The following MCFD2 variants were observed in gnomAD, a reference collection of about 807,000 sequenced individuals.
MCFD2 encodes multiple coagulation factor deficiency 2, ER cargo receptor complex subunit, also known as multiple coagulation factor deficiency protein 2.
Under a neutral mutation model 12.8 loss-of-function variants are expected in MCFD2, and 11 were observed. The observed-to-expected ratio is 0.86, with a 90% CI of 0.54 to 1.42. MCFD2 has a LOEUF of 1.42. MCFD2 is among the 40% of genes most tolerant of loss of function. The probability of loss-of-function intolerance (pLI) is 0.00; values close to 1 mark genes in which losing one functional copy is unlikely to be tolerated. For synonymous variants in MCFD2, 70 were observed against 68.1 expected, an observed-to-expected ratio of 1.03 and a Z score of -0.14; for missense variants, 191 against 178.6, an observed-to-expected ratio of 1.07 and a Z score of -0.40.
At position 46,907,199 on chromosome 2, in the gene MCFD2, C is replaced by T. The variant is rs145654384; in HGVS notation, c.309+611G>A. 3,794 of 159,732 alleles carry T rather than the reference C, an allele frequency of 0.024. 60 individuals are homozygous for T. Among genetic ancestry groups the T allele is most frequent in the South Asian group, 0.059 (326 of 5,510 alleles). 9.9% of individuals were successfully genotyped at this position (159,732 alleles called of 1,614,324 possible). A position where few individuals can be genotyped will look rare whatever the true frequency, so the allele number is the denominator to read the frequency against. ...TCTCCCTTGCTCTGCAGTTTGAATA[C>T]GGTCTGTCTTTTAGGCACTGATTCT... is the stretch of plus-strand genomic sequence containing the variant. On this transcript the variant is annotated intron_variant, in intron 3 of 3. Transcript: ENST00000319466. This position sits in a 1 kb window ranked among gnomAD's most constrained non-coding sequence, Gnocchi z 4.1.
intron 1 of MCFD2, among the ~76,000 whole-genome samples, chr2:46,921,913 C>T (rs540418758): frequency 1.7e-4 from 26 of 152,310 alleles, no homozygotes; most frequent in African/African-American, 6.0e-4. Context: ...AATGCTCACT[C>T]GCCCACCCAG....
At chr2:46,909,244 CATGGTATGATCCTGGGAAACCTGA>C in intron 1 of MCFD2, 67 bp from the exon 2 acceptor site, 4 of 1,535,458 alleles carry the variant, frequency 2.6e-6, no homozygotes, top group Non-Finnish European at 2.7e-6. Context: ...CAGGGCTTGA[CATGGTATGATCCTGGGAAACCTGA>C]TGAAGCAGTA....
At position 46,934,634 on chromosome 2, in the gene MCFD2, C is replaced by T. The variant is rs200573058; in HGVS notation, c.-8+6938G>A. Among the ~76,000 whole-genome samples, 9 of 151,904 alleles carry T rather than the reference C, an allele frequency of 5.9e-5. No individual in the cohort carries two copies. The East Asian group carries it at 1.5e-3, about 26-fold the overall frequency. Reference sequence around the variant, plus strand: ...TATTCTCTAAAACACTTTAAAAACCCTCCCCTCATAGGTTGCAGTAAGCCT... The same window carrying T: ...TATTCTCTAAAACACTTTAAAAACCTTCCCCTCATAGGTTGCAGTAAGCCT... On this transcript the variant is annotated intron_variant, in intron 1 of 2. Transcript: ENST00000409147.
chr2:46,903,946 G>A lies in MCFD2; in HGVS notation c.*1517C>T, dbSNP rs1018820179. Reference sequence around the variant, plus strand: ...AACACCATGGGGAAAATGTCTCCAGGCCATGTCAGGGCAGCCCCTGACATG... The same window carrying A: ...AACACCATGGGGAAAATGTCTCCAGACCATGTCAGGGCAGCCCCTGACATG... On this transcript the variant is annotated 3_prime_UTR_variant, in exon 4 of 4. Coordinates refer to ENST00000319466, the MANE Select transcript of MCFD2 (RefSeq NM_139279.6). 1 of 152,138 alleles carries A rather than the reference G, an allele frequency of 6.6e-6. No homozygotes were observed. The highest frequency in any genetic ancestry group is 1.5e-5 in the Non-Finnish European group (1 of 68,026). 9.4% of individuals were successfully genotyped at this position (152,138 alleles called of 1,614,324 possible).
chr2:46,935,095 A>C (rs1243854150), intron 1 of MCFD2, among the ~76,000 whole-genome samples: 4 of 152,036 alleles, frequency 2.6e-5, no homozygotes, highest in Non-Finnish European at 5.9e-5. Flanking sequence ...CACCACGCCG[A>C]GCCCTAAGAC....
At chr2:46,930,041 T>C (rs903240305) in intron 1 of MCFD2, among the ~76,000 whole-genome samples, 2 of 152,186 alleles carry the variant, frequency 1.3e-5, no homozygotes, top group African/African-American at 2.4e-5. Flanking sequence ...ATAAACTAAG[T>C]TGGTGAAAGC....
rs1668172569 is a variant in MCFD2, at chr2:46,905,309, TTA to T, written c.*152_*153del. 7 of 782,874 alleles carry T rather than the reference TTA, an allele frequency of 8.9e-6. No individual in the cohort carries two copies. The highest frequency in any genetic ancestry group is 7.1e-4 in the Middle Eastern group (2 of 2,816). 48.5% of individuals were successfully genotyped at this position (782,874 alleles called of 1,614,324 possible). ...CCATTTCTCTTCTCTTTCATTTCTC[TTA>T]TCTCTTCTCACCCCAGTGTAACGAA... On this transcript the variant is annotated 3_prime_UTR_variant, in exon 4 of 4. Transcript: ENST00000319466.
In MCFD2 at chr2:46,908,157, A is replaced by G. The variant is rs1258657345; in HGVS notation, c.150-188T>C. 1.1e-5 allele frequency: 7 copies of G among 663,382 alleles called. No individual in the cohort carries two copies. The highest frequency in any genetic ancestry group is 1.9e-5 in the Non-Finnish European group (7 of 370,602). The allele number at this position is 663,382 out of a possible 1,614,324, so 41.1% of individuals were successfully genotyped here. ...CCTTGAGAGGAGCAGGAAAAGTCAA[A>G]TAGACCATCTGTTATGCTGGCAGGA... On this transcript the variant is annotated intron_variant, in intron 2 of 3. Transcript: ENST00000319466. This position sits in a 1 kb window ranked among gnomAD's most constrained non-coding sequence, Gnocchi z 4.5.
intron 1 of MCFD2, among the ~76,000 whole-genome samples, chr2:46,928,945 T>C (rs1417341014): frequency 3.3e-5 from 5 of 152,076 alleles, no homozygotes; most frequent in Non-Finnish European, 7.4e-5. Flanking sequence ...GGTGGATTAC[T>C]TGAGGTGAGG....
rs1668085494 is a variant in MCFD2 at position 46,903,295 on chromosome 2, A to G, written c.*2168T>C. On this transcript the variant is annotated 3_prime_UTR_variant, in exon 4 of 4. Coordinates refer to ENST00000319466, the MANE Select transcript of MCFD2 (RefSeq NM_139279.6). ...GTGGAACTTTAAGTCCAATTAAACC[A>G]CTTTTTCTTCCCAGTCTCGGGTATG... 1 of 155,862 alleles carries G rather than the reference A, an allele frequency of 6.4e-6. No individual in the cohort carries two copies. The highest frequency in any genetic ancestry group is 1.4e-5 in the Non-Finnish European group (1 of 71,072). The allele number at this position is 155,862 out of a possible 1,614,324, so 9.7% of individuals were successfully genotyped here.
chr2:46,910,271 TC>T (rs951326928), intron 1 of MCFD2, among the ~76,000 whole-genome samples: 8 of 152,116 alleles, frequency 5.3e-5, no homozygotes, highest in African/African-American at 2.4e-5. Flanking sequence ...AATTGTTGAT[TC>T]AATGGAAAGT....
Position 46,905,393 on chromosome 2 carries a change from A to C in MCFD2, c.*70T>G. 1 of 1,563,740 alleles carries C rather than the reference A, an allele frequency of 6.4e-7. No individual in the cohort carries two copies. The highest frequency in any genetic ancestry group is 2.2e-5 in the East Asian group (1 of 44,568). ...AGTAGTTGGAAATGAGTTATTTTGC[A>C]TTACTAAAGTGTTCAATCACATTAT... On this transcript the variant is annotated 3_prime_UTR_variant, in exon 4 of 4. Coordinates refer to ENST00000319466, the MANE Select transcript of MCFD2 (RefSeq NM_139279.6).
At chr2:46,920,654 A>G (rs1329082241), upstream of MCFD2, among the ~76,000 whole-genome samples, 2 of 151,848 alleles carry the variant, frequency 1.3e-5, no homozygotes, top group African/African-American at 4.8e-5. Context: ...TTTTTGAAAA[A>G]AAAAAAAAAT....
chr2:46,938,367 T>A (rs1670083704), intron 1 of MCFD2, among the ~76,000 whole-genome samples: 1 of 152,184 alleles, frequency 6.6e-6, no homozygotes, highest in Non-Finnish European at 1.5e-5. Flanking sequence ...AGTAAACTTC[T>A]TGGGTCATAC....
At chr2:46,925,091 T>C (rs190033927) in intron 1 of MCFD2, among the ~76,000 whole-genome samples, 115 of 152,370 alleles carry the variant, frequency 7.5e-4, no homozygotes, top group African/African-American at 2.6e-3. Context: ...ACAGATCTGT[T>C]TGTTGCACTG....
chr2:46,915,728 C>A lies in MCFD2; in HGVS notation c.-12G>T, dbSNP rs1291229504. On this transcript the variant is annotated 5_prime_UTR_variant, in exon 1 of 4. Transcript: ENST00000319466. The stretch of plus-strand genomic sequence containing the variant: ...GAGTGCGCTAGTTCACTCACCCTTA[C>A]GGTCTCCGAAGCAGACGCGAAGCCC... The A allele has an allele frequency of 3.1e-6, 3 of 974,934 alleles. No individual in the cohort carries two copies. Among genetic ancestry groups the A allele is most frequent in the Non-Finnish European group, 3.7e-6 (3 of 820,812 alleles). The allele number at this position is 974,934 out of a possible 1,614,324, so 60.4% of individuals were successfully genotyped here. A position where few individuals can be genotyped will look rare whatever the true frequency, so the allele number is the denominator to read the frequency against.
intron 1 of MCFD2, among the ~76,000 whole-genome samples, chr2:46,935,462 A>G (rs903168414): frequency 6.6e-6 from 1 of 152,176 alleles, no homozygotes; most frequent in Non-Finnish European, 1.5e-5. Context: ...TAACTATTCC[A>G]ACTTTGCCTT....
rs2103883716 is a variant in MCFD2, at chr2:46,941,294, C to T, written c.-8+278G>A. On this transcript the variant is annotated intron_variant, in intron 1 of 2. Coordinates refer to the MCFD2 transcript ENST00000409147. This position sits in a 1 kb window ranked among gnomAD's most constrained non-coding sequence, Gnocchi z 4.2. The stretch of plus-strand genomic sequence containing the variant: ...GCTACAGCAGAGGCGGAGGTTGCTC[C>T]TGTACGCGTACGGGCCGCTCGGCCG... 5.7e-6 allele frequency: 1 copy of T among 176,648 alleles called. No individual in the cohort carries two copies. The highest frequency in any genetic ancestry group is 6.3e-5 in the Admixed American group (1 of 15,778). The allele number at this position is 176,648 out of a possible 1,614,324, so 10.9% of individuals were successfully genotyped here.
At chr2:46,915,806 G>GGGGGGGGGGGGGGGGGGCCCCCCCCCCCC, upstream of MCFD2, 1 of 512,582 alleles carries the variant, frequency 2.0e-6, no homozygotes, top group Non-Finnish European at 2.1e-6. Flanking sequence ...CCTCGGCTTC[G>GGGGGGGGGGGGGGGGGGCCCCCCCCCCCC]CCCCGCCCCC....
Sources: gnomAD v4.1 joint callset for allele counts (sites outside exome capture counted in the v4.1 genomes callset) on GRCh38, gnomAD v4.1.1 for gene constraint, Gnocchi (gnomAD v3.1) non-coding constraint, MANE v1.5 for transcripts, NCBI Gene and HGNC (gene_info 2026-07-23, HGNC 2026-07-21) for gene names.